TNN: variants seen among roughly 807,000 people sequenced by gnomAD.
TNN encodes tenascin N.
Under a neutral mutation model 134.4 loss-of-function variants are expected in TNN, and 122 were observed. The ratio of observed to expected loss-of-function variants is 0.91; its 90% CI spans 0.78 to 1.06. The LOEUF (loss-of-function observed/expected upper bound fraction) is 1.06. Among genes scored for constraint, TNN ranks in the 50% least tolerant of loss-of-function variants. The pLI is 0.00. For synonymous variants in TNN, 710 were observed against 670.3 expected (o/e 1.06, Z -0.91); for missense variants, 1,739 against 1,699.4 (o/e 1.02, Z -0.41).
rs756701328 is a variant in TNN, at chr1:175,080,369, C to T, written c.991C>T (p.Leu331=). ...LLPGTKYIVT[L]RNVKNEVSSS... Reference sequence around the variant, plus strand: ...GCCTGGAACCAAGTACATAGTCACCCTGCGTAACGTCAAGAATGAAGTTTC... The same window carrying T: ...GCCTGGAACCAAGTACATAGTCACCTTGCGTAACGTCAAGAATGAAGTTTC... The change falls in exon 4 of 19, where the codon CTG becomes TTG. Residue 331 remains leucine, a synonymous_variant. Transcript: ENST00000239462. The T allele has an allele frequency of 2.5e-6, 4 of 1,614,060 alleles. No individual in the cohort carries two copies. In the South Asian group the frequency reaches 4.4e-5, roughly 18 times the overall value.
rs115761207 is a variant in TNN at position 175,078,220 on chromosome 1, C to T, written c.409+393C>T. Among the ~76,000 whole-genome samples the T allele has an allele frequency of 2.6e-3, 395 of 152,252 alleles. 3 individuals carry two copies. Among genetic ancestry groups the T allele is most frequent in the African/African-American group, 9.2e-3 (381 of 41,538 alleles). On this transcript the variant is annotated intron_variant, in intron 2 of 18. Coordinates refer to ENST00000239462, the MANE Select transcript of TNN (RefSeq NM_022093.2). ...AAATCCCAGTTCTACCACTTTTTAG[C>T]TGTGTGACTTTGGGTAAATCCCTTA...
At chr1:175,088,986 C>T (rs6681984) in intron 6 of TNN, among the ~76,000 whole-genome samples, 83,431 of 152,000 alleles carry the variant, frequency 0.55, 23,491 homozygotes, top group African/African-American at 0.69. Context: ...TCCACCTATA[C>T]TGGAATGTTG....
chr1:175,072,182 G>A (rs1352475479), intron 1 of TNN, among the ~76,000 whole-genome samples: 1 of 152,178 alleles, frequency 6.6e-6, no homozygotes, highest in Non-Finnish European at 1.5e-5. Flanking sequence ...ACTCCTCAAA[G>A]AGCCTTTCTG....
At chr1:175,107,793 A>G (rs1674897175) in intron 9 of TNN, among the ~76,000 whole-genome samples, 2 of 139,252 alleles carry the variant, frequency 1.4e-5, no homozygotes, top group Admixed American at 1.4e-4. Context: ...AAGGTTCTCC[A>G]CGTCCCCATC....
At chr1:175,133,458 G>A (rs184953191) in intron 15 of TNN, among the ~76,000 whole-genome samples, 24 of 152,252 alleles carry the variant, frequency 1.6e-4, no homozygotes, top group African/African-American at 4.8e-4. Flanking sequence ...GATGGTTTTG[G>A]CCTCCTGTTC....
chr1:175,135,199 C>T lies in TNN; in HGVS notation c.3331-646C>T, dbSNP rs552211251. 3.3e-5 allele frequency among the ~76,000 whole-genome samples: 5 copies of T among 152,304 alleles called. No individual in the cohort carries two copies. The South Asian group carries it at 1.0e-3, about 32-fold the overall frequency. ...CATCTTTCCCTCATAGCCCTTATCA[C>T]AGTTTTAACTGCATTTAAAAATTAT... On this transcript the variant is annotated intron_variant, in intron 15 of 18. Transcript: ENST00000239462.
At chr1:175,072,679 G>T (rs1471426859) in intron 1 of TNN, among the ~76,000 whole-genome samples, 1 of 152,158 alleles carries the variant, frequency 6.6e-6, no homozygotes, top group Non-Finnish European at 1.5e-5. Flanking sequence ...CAGAATGTTA[G>T]GTTGAGGATT....
chr1:175,108,472 T>G (rs947078141), intron 9 of TNN, among the ~76,000 whole-genome samples: 6 of 152,166 alleles, frequency 3.9e-5, no homozygotes, highest in African/African-American at 1.2e-4. Context: ...CGTCAGCCCT[T>G]GGGTGGTCGA....
intron 4 of TNN, 114 bp from the exon 5 acceptor site, chr1:175,083,636 C>T: frequency 2.1e-6 from 2 of 957,524 alleles, no homozygotes; most frequent in South Asian, 1.7e-5. Flanking sequence ...GGGGCTGAAG[C>T]CAGCTCTTGA....
At chr1:175,070,849 G>T (rs1196523430) in intron 1 of TNN, among the ~76,000 whole-genome samples, 2 of 152,174 alleles carry the variant, frequency 1.3e-5, no homozygotes, top group Admixed American at 6.5e-5. Flanking sequence ...AGAACTTGCT[G>T]TCCTGGACCA....
chr1:175,144,609 T>C, intron 18 of TNN, 59 bp downstream of exon 18: 1 of 1,560,154 alleles, frequency 6.4e-7, no homozygotes. Context: ...AGCTTCCAAA[T>C]GGACACCCTC....
At chr1:175,069,238 T>C (rs1237558375) in intron 1 of TNN, among the ~76,000 whole-genome samples, 2 of 152,180 alleles carry the variant, frequency 1.3e-5, no homozygotes, top group Non-Finnish European at 2.9e-5. Context: ...GGGCTACGTA[T>C]TGGCAGCTGG....
chr1:175,126,919 C>G (rs1258475492), intron 12 of TNN, 36 bp from the exon 13 acceptor site: 3 of 1,584,662 alleles, frequency 1.9e-6, no homozygotes, highest in South Asian at 1.2e-5. Context: ...TCAGTTGTAT[C>G]TTAGTAATAA....
chr1:175,092,750 A>G (rs781432650), intron 6 of TNN, among the ~76,000 whole-genome samples: 1 of 152,138 alleles, frequency 6.6e-6, no homozygotes, highest in Non-Finnish European at 1.5e-5. Context: ...TCCCTCCCTC[A>G]GATATCCCTG....
At chr1:175,120,374 G>T (rs778051160) in intron 11 of TNN, among the ~76,000 whole-genome samples, 3 of 152,218 alleles carry the variant, frequency 2.0e-5, no homozygotes, top group Non-Finnish European at 4.4e-5. Context: ...AGATGGGAAG[G>T]GTGAGTAGTA....
At chr1:175,137,363 A>AGTGTGCGT (rs1553320239) in intron 17 of TNN, among the ~76,000 whole-genome samples, 8 of 62,678 alleles carry the variant, frequency 1.3e-4, no homozygotes, top group African/African-American at 3.8e-4. Flanking sequence ...TCTGCACAGT[A>AGTGTGCGT]GTGTGTGTGT....
chr1:175,080,316 A>G lies in TNN; in HGVS notation c.938A>G (p.Gln313Arg), dbSNP rs1272022717. The change falls in exon 4 of 19, where the codon CAG (glutamine) becomes CGG (arginine). Residue 313 changes from glutamine (Q) to arginine (R), a missense_variant. Coordinates refer to ENST00000239462, the MANE Select transcript of TNN (RefSeq NM_022093.2). Reference protein sequence around the residue: ...SGKQIQVPKEQHSYEILGLLP... With the variant: ...SGKQIQVPKERHSYEILGLLP... ...AAGCAGATCCAAGTGCCCAAGGAGCAGCACAGCTATGAGATTCTTGGTTTG... is the reference window on the plus strand; with the variant it reads ...AAGCAGATCCAAGTGCCCAAGGAGCGGCACAGCTATGAGATTCTTGGTTTG... The G allele has an allele frequency of 9.9e-6, 16 of 1,614,026 alleles. No homozygotes were observed. Among genetic ancestry groups the G allele is most frequent in the African/African-American group, 2.7e-5 (2 of 74,904 alleles).
chr1:175,095,495 T>A (rs1674549599), intron 7 of TNN, among the ~76,000 whole-genome samples: 1 of 152,224 alleles, frequency 6.6e-6, no homozygotes, highest in South Asian at 2.1e-4. Flanking sequence ...CTGGTTTACA[T>A]TACACGTGAC....
At chr1:175,109,924 A>C (rs1232848526) in intron 9 of TNN, among the ~76,000 whole-genome samples, 7 of 151,454 alleles carry the variant, frequency 4.6e-5, no homozygotes, top group Non-Finnish European at 1.0e-4. Flanking sequence ...TTTTGAGGAA[A>C]CTCCATGCTT....
Sources: allele counts gnomAD v4.1 joint callset (sites outside exome capture counted in the v4.1 genomes callset), GRCh38; gene constraint gnomAD v4.1.1; transcripts MANE v1.5; gene names NCBI Gene and HGNC (gene_info 2026-07-23, HGNC 2026-07-21).